TAPBPL: variants seen among roughly 807,000 people sequenced by gnomAD.
TAPBPL encodes tapasin-related protein.
A neutral mutation model predicts 44.8 loss-of-function variants in TAPBPL; 32 were observed. The observed-to-expected ratio is 0.71, with a 90% CI of 0.54 to 0.96. The LOEUF is 0.96. TAPBPL is among the 40% of genes least tolerant of loss of function. The probability of loss-of-function intolerance (pLI) is 0.00; values close to 1 mark genes in which losing one functional copy is unlikely to be tolerated. For missense variants in TAPBPL, 520 were observed against 586.6 expected (o/e 0.89, Z 1.17); for synonymous variants, 230 against 240.7 (o/e 0.96, Z 0.41).
chr12:6,455,568 C>T (rs1416713268), intron 3 of TAPBPL, among the ~76,000 whole-genome samples: 1 of 152,138 alleles, frequency 6.6e-6, no homozygotes, highest in East Asian at 1.9e-4. Flanking sequence ...CCTATCTCCC[C>T]ACACGACTGC....
downstream of TAPBPL, chr12:6,466,120 G>A: frequency 6.2e-7 from 1 of 1,610,362 alleles, no homozygotes; most frequent in Non-Finnish European, 8.5e-7. Context: ...GCCTCTCAGG[G>A]CCTTTGACTA....
chr12:6,463,698 G>T, downstream of TAPBPL: 2 of 1,103,888 alleles, frequency 1.8e-6, no homozygotes, highest in East Asian at 7.8e-5. The surrounding 1 kb of genome is among the most constrained non-coding windows in gnomAD (Gnocchi z 4.0). Flanking sequence ...GATTTATTTG[G>T]TGCCCTCATA....
intron 1 of TAPBPL, chr12:6,452,698 T>C (rs1949587283): frequency 1.1e-6 from 1 of 929,556 alleles, no homozygotes; most frequent in Non-Finnish European, 1.5e-6. Context: ...CAGTGCAGGC[T>C]GTCAGTGCCC....
chr12:6,451,688 G>A (rs1387533846), upstream of TAPBPL: 3 of 356,402 alleles, frequency 8.4e-6, no homozygotes, highest in South Asian at 1.1e-4. Flanking sequence ...TACAAGACGG[G>A]CAAAATAAAG....
chr12:6,466,384 G>A, downstream of TAPBPL: 2 of 1,588,886 alleles, frequency 1.3e-6, no homozygotes, highest in Non-Finnish European at 8.6e-7. Flanking sequence ...TACACAAAGT[G>A]ACCAAGACAA....
At chr12:6,461,013 G>T (rs1949844732) in intron 6 of TAPBPL, 75 bp downstream of exon 6, 4 of 1,596,926 alleles carry the variant, frequency 2.5e-6, no homozygotes, top group Non-Finnish European at 3.4e-6. Flanking sequence ...CCCAGACCAG[G>T]GTGGAAGCCC....
At chr12:6,460,628 T>C (rs1274413231) in intron 5 of TAPBPL, among the ~76,000 whole-genome samples, 1 of 152,196 alleles carries the variant, frequency 6.6e-6, no homozygotes, top group Non-Finnish European at 1.5e-5. Flanking sequence ...TTTAAAACCT[T>C]GTCCTTAGGT....
downstream of TAPBPL, chr12:6,463,178 A>C (rs546318440): frequency 6.9e-7 from 1 of 1,440,060 alleles, no homozygotes; most frequent in African/African-American, 1.4e-5. The surrounding 1 kb of genome is among the most constrained non-coding windows in gnomAD (Gnocchi z 4.0). Context: ...GAGGAAGAGA[A>C]AGGAGGCAAA....
At chr12:6,463,038 C>T, downstream of TAPBPL, 1 of 1,544,882 alleles carries the variant, frequency 6.5e-7, no homozygotes, top group South Asian at 1.2e-5. This position sits in a 1 kb window ranked among gnomAD's most constrained non-coding sequence, Gnocchi z 4.0. Flanking sequence ...CCAGCCTGCC[C>T]TCCTCCCCTT....
At chr12:6,462,543 G>A (rs944509446), downstream of TAPBPL, 172 of 520,894 alleles carry the variant, frequency 3.3e-4, no homozygotes, top group Middle Eastern at 4.9e-4. Flanking sequence ...GAGACACACA[G>A]AAGAGGGTAC....
downstream of TAPBPL, chr12:6,470,545 A>G (rs1481099444): frequency 8.1e-6 from 13 of 1,613,964 alleles, no homozygotes; most frequent in Middle Eastern, 1.7e-4. Flanking sequence ...TCTGACAGAG[A>G]GAGTGAGGGT....
At chr12:6,463,858 C>T, downstream of TAPBPL, 1 of 1,258,976 alleles carries the variant, frequency 7.9e-7, no homozygotes, top group Non-Finnish European at 1.0e-6. The surrounding 1 kb of genome is among the most constrained non-coding windows in gnomAD (Gnocchi z 4.0). Context: ...TGTAAGATCC[C>T]CAAAGACACG....
the TAPBPL span, among the ~76,000 whole-genome samples, chr12:6,471,759 G>T: frequency 6.6e-6 from 1 of 151,930 alleles, no homozygotes; most frequent in African/African-American, 2.4e-5. This position sits in a 1 kb window ranked among gnomAD's most constrained non-coding sequence, Gnocchi z 4.0. Context: ...GCCGGGAGCC[G>T]ACGGTTGCAG....
At chr12:6,466,074 A>G, downstream of TAPBPL, 1 of 1,612,050 alleles carries the variant, frequency 6.2e-7, no homozygotes, top group Admixed American at 1.7e-5. Flanking sequence ...CCAGAGAATC[A>G]CAAGTCTGGC....
At chr12:6,460,612 G>A (rs1428840755) in intron 5 of TAPBPL, among the ~76,000 whole-genome samples, 2 of 152,192 alleles carry the variant, frequency 1.3e-5, no homozygotes, top group Non-Finnish European at 2.9e-5. Flanking sequence ...CACTTGCAAA[G>A]CAATTTTTAA....
downstream of TAPBPL, chr12:6,464,335 A>G: frequency 6.5e-7 from 1 of 1,550,168 alleles, no homozygotes; most frequent in Non-Finnish European, 8.7e-7. Context: ...CGCAACGAAA[A>G]AGGAGGAATG....
chr12:6,458,565 G>A, intron 4 of TAPBPL, 80 bp from the exon 5 acceptor site: 3 of 1,518,762 alleles, frequency 2.0e-6, no homozygotes, highest in Non-Finnish European at 2.7e-6. Context: ...CTCTCATCTT[G>A]GCAGGAAGAA....
chr12:6,465,036 G>GC, downstream of TAPBPL: 1 of 1,565,946 alleles, frequency 6.4e-7, no homozygotes, highest in Non-Finnish European at 8.6e-7. Flanking sequence ...TCCATCCTTG[G>GC]GACAATGGAA....
At chr12:6,460,459 G>T (rs1021858839) in intron 5 of TAPBPL, among the ~76,000 whole-genome samples, 1 of 151,720 alleles carries the variant, frequency 6.6e-6, no homozygotes, top group Non-Finnish European at 1.5e-5. Flanking sequence ...TACAGACAGG[G>T]TTTCACCATG....
Sources: gnomAD v4.1 joint callset for allele counts (sites outside exome capture counted in the v4.1 genomes callset) on GRCh38, gnomAD v4.1.1 for gene constraint, Gnocchi (gnomAD v3.1) non-coding constraint, MANE v1.5 for transcripts, NCBI Gene and HGNC (gene_info 2026-07-23, HGNC 2026-07-21) for gene names.